Variants in PAPLN observed in about 807,000 individuals in gnomAD.
PAPLN encodes the protein papilin, proteoglycan like sulfated glycoprotein.
Under a neutral mutation model 159.0 loss-of-function variants are expected in PAPLN, and 146 were observed. The ratio of observed to expected loss-of-function variants is 0.92; its 90% CI spans 0.80 to 1.05. PAPLN has a LOEUF of 1.05. PAPLN is among the 50% of genes least tolerant of loss of function. The pLI is 0.00. For synonymous variants in PAPLN, 734 were observed against 702.9 expected, an observed-to-expected ratio of 1.04 and a Z score of -0.70; for missense variants, 1,720 against 1,743.9, an observed-to-expected ratio of 0.99 and a Z score of 0.24.
At chr14:73,255,606 G>T (rs1405296454) in intron 14 of PAPLN, among the ~76,000 whole-genome samples, 1 of 150,326 alleles carries the variant, frequency 6.7e-6, no homozygotes, top group African/African-American at 2.4e-5. Flanking sequence ...ACTGAGGCCA[G>T]TGTTTGCGTG....
At chr14:73,259,816 G>A (rs1030611727) in intron 16 of PAPLN, among the ~76,000 whole-genome samples, 3 of 152,160 alleles carry the variant, frequency 2.0e-5, no homozygotes, top group Admixed American at 6.5e-5. Context: ...CTGAGACTCC[G>A]AGAAGGCTCT....
At chr14:73,247,661 T>C (rs1210924436) in intron 5 of PAPLN, among the ~76,000 whole-genome samples, 2 of 141,012 alleles carry the variant, frequency 1.4e-5, no homozygotes, top group East Asian at 4.1e-4. Context: ...TGTGTGTGTG[T>C]GCGTGTGTGT....
Position 73,259,462 on chromosome 14 carries a change from T to C in PAPLN, c.1902T>C (p.Pro634=). ...GGCCCCACGACTGCAGACACAGTCC[T>C]CACGGGTGCTGCCCCGATGGCCACA... The part of the protein sequence containing the change: ...GSGPHDCRHS[P]HGCCPDGHTA... The change falls in exon 16 of 27, where the codon CCT becomes CCC. Residue 634 remains proline, a synonymous_variant. Coordinates refer to ENST00000644200, the MANE Select transcript of PAPLN (RefSeq NM_001365906.3). The C allele has an allele frequency of 2.5e-6, 4 of 1,611,258 alleles. No individual in the cohort carries two copies. Among genetic ancestry groups the C allele is most frequent in the Non-Finnish European group, 3.4e-6 (4 of 1,179,150 alleles).
Position 73,258,974 on chromosome 14 carries a change from T to A in PAPLN, c.1628-5T>A. Reference sequence around the variant, plus strand: ...GTCCCACATGGACCTCCCGGCTCCCTGCAGAGGTCCCCAGCATGCAGGATG... The same window carrying A: ...GTCCCACATGGACCTCCCGGCTCCCAGCAGAGGTCCCCAGCATGCAGGATG... On this transcript the variant is annotated splice_polypyrimidine_tract_variant and splice_region_variant and intron_variant, in intron 14 of 26. Transcript: ENST00000644200. 1.2e-6 allele frequency: 2 copies of A among 1,607,914 alleles called. No individual in the cohort carries two copies. The highest frequency in any genetic ancestry group is 1.7e-6 in the Non-Finnish European group (2 of 1,176,976).
rs11620852 is a variant in PAPLN, at chr14:73,262,641, C to A, written c.2537C>A (p.Ala846Glu). ...CCCAGCCAGCACAGGACAGGGGCCG[C>A]GGTGCAGAGAAAGCCCTGGCCTTCT... The part of the protein sequence containing the change: ...QEPSQHRTGA[A>E]VQRKPWPSGG... The change falls in exon 19 of 27, where the codon GCG becomes GAG. Residue 846 changes from alanine (A) to glutamate (E), a missense_variant. Transcript: ENST00000644200. 78 of 1,512,178 alleles carry A rather than the reference C, an allele frequency of 5.2e-5. No homozygotes were observed. The highest frequency in any genetic ancestry group is 1.7e-4 in the Admixed American group (8 of 47,216). 93.7% of individuals were successfully genotyped at this position (1,512,178 alleles called of 1,614,324 possible).
At chr14:73,241,494 T>C (rs1247459872) in intron 2 of PAPLN, among the ~76,000 whole-genome samples, 1 of 152,206 alleles carries the variant, frequency 6.6e-6, no homozygotes, top group Admixed American at 6.5e-5. Context: ...ATGAAACAAA[T>C]CAAGGTTTCC....
Position 73,262,831 on chromosome 14 carries a change from A to G in PAPLN, c.2723+4A>G. 1 of 1,462,166 alleles carries G rather than the reference A, an allele frequency of 6.8e-7. No individual in the cohort carries two copies. The highest frequency in any genetic ancestry group is 9.0e-7 in the Non-Finnish European group (1 of 1,108,222). The allele number at this position is 1,462,166 out of a possible 1,614,324, so 90.6% of individuals were successfully genotyped here. A position where few individuals can be genotyped will look rare whatever the true frequency, so the allele number is the denominator to read the frequency against. ...CCTTCCACAGCTCCTCCTACAGGTG[A>G]GGCCCACCTTCCCCAGGTGAGGGGG... On this transcript the variant is annotated splice_donor_region_variant and intron_variant, in intron 19 of 26. Coordinates refer to ENST00000644200, the MANE Select transcript of PAPLN (RefSeq NM_001365906.3).
rs145368158 is a variant in PAPLN at position 73,266,724 on chromosome 14, G to T, written c.3393G>T (p.Gly1131=). 2.7e-4 allele frequency: 433 copies of T among 1,614,130 alleles called. 2 individuals carry two copies. The African/African-American group carries it at 5.0e-3, about 19-fold the overall frequency. ...ACAATGACTTGTCCTTGTGCCCAGG[G>T]GAGCTGACAATCTCAGGACTGCCCC... ...DQRWVQLRVL[G]ELTISGLPPT... Residue 1131 remains glycine (G), a splice_region_variant and synonymous_variant, in exon 25 of 27, where the codon GGG becomes GGT. Transcript: ENST00000644200.
At chr14:73,272,069 A>C (rs1887783564) in intron 26 of PAPLN, 2 of 154,386 alleles carry the variant, frequency 1.3e-5, no homozygotes, top group Non-Finnish European at 2.9e-5. Flanking sequence ...GAAAGGGAAA[A>C]GATAAGAGCT....
chr14:73,262,292 A>AG, intron 18 of PAPLN, 58 bp from the exon 19 acceptor site: 1 of 1,484,096 alleles, frequency 6.7e-7, no homozygotes, highest in East Asian at 2.3e-5. Context: ...GAGAGGATGG[A>AG]GGGTGCAGCT....
chr14:73,253,021 C>A, intron 11 of PAPLN: 2 of 1,077,650 alleles, frequency 1.9e-6, no homozygotes, highest in African/African-American at 1.6e-5. Context: ...GGCTTGGTGG[C>A]AGGAGGGTTG....
Position 73,264,677 on chromosome 14 carries a change from G to C in PAPLN, c.3076G>C (p.Ala1026Pro), listed in dbSNP as rs199699862. 1 of 1,611,070 alleles carries C rather than the reference G, an allele frequency of 6.2e-7. No individual in the cohort carries two copies. The highest frequency in any genetic ancestry group is 1.1e-5 in the South Asian group (1 of 90,796). ...PAQDFGQAGA[A>P]GPLGAIPSSH... The stretch of plus-strand genomic sequence containing the variant: ...TCAGGACTTTGGCCAAGCGGGGGCT[G>C]CTGGGCCCCTGGGGGCCATCCCCTC... The change falls in exon 22 of 27, where the codon GCT becomes CCT. Residue 1026 changes from alanine to proline, a missense_variant. Physicochemically the swap from Ala to Pro is conservative, Grantham distance 27 (BLOSUM62 -1). Coordinates refer to ENST00000644200, the MANE Select transcript of PAPLN (RefSeq NM_001365906.3).
intron 26 of PAPLN, among the ~76,000 whole-genome samples, chr14:73,270,530 A>G (rs1887627448): frequency 2.0e-5 from 3 of 152,214 alleles, no homozygotes; most frequent in Admixed American, 1.3e-4. Flanking sequence ...ACATTGGCGA[A>G]AGCACCACAC....
Position 73,263,687 on chromosome 14 carries a change from C to A in PAPLN, c.2766C>A (p.Ala922=), listed in dbSNP as rs201988424. Residue 922 remains alanine (A), a synonymous_variant, in exon 20 of 27, where the codon GCC becomes GCA. Transcript: ENST00000644200. ...AGVEPSLVQA[A]LGQLVRLSCS... ...TGGAGCCCTCGTTGGTGCAGGCAGC[C>A]CTGGGGCAGTTGGTGCGGCTCTCCT... 1 of 1,613,536 alleles carries A rather than the reference C, an allele frequency of 6.2e-7. No individual in the cohort carries two copies. Among genetic ancestry groups the A allele is most frequent in the African/African-American group, 1.3e-5 (1 of 75,048 alleles).
Position 73,262,863 on chromosome 14 carries a change from C to T in PAPLN, c.2723+36C>T, listed in dbSNP as rs116321169. The T allele has an allele frequency of 3.3e-3, 4,662 of 1,416,188 alleles. 43 individuals carry two copies. The African/African-American group carries it at 0.034, about 10-fold the overall frequency. 87.7% of individuals were successfully genotyped at this position (1,416,188 alleles called of 1,614,324 possible). A position where few individuals can be genotyped will look rare whatever the true frequency, so the allele number is the denominator to read the frequency against. ...CCTTCCCCAGGTGAGGGGGTTAGGA[C>T]GCCCAGACAAGGAGCATGCCAGTTG... On this transcript the variant is annotated intron_variant, in intron 19 of 26. Transcript: ENST00000644200.
chr14:73,252,009 C>A lies in PAPLN; in HGVS notation c.844-9C>A, dbSNP rs1372736068. On this transcript the variant is annotated splice_polypyrimidine_tract_variant and intron_variant, in intron 9 of 26. Transcript: ENST00000644200. ...GCAGCAGACCCCAACAAGGACTCTC[C>A]CGTGACAGCTCATCAGCCAGGAGCC... 1.9e-6 allele frequency: 3 copies of A among 1,602,456 alleles called. No homozygotes were observed. The highest frequency in any genetic ancestry group is 2.6e-6 in the Non-Finnish European group (3 of 1,173,636).
intron 25 of PAPLN, chr14:73,268,333 C>T (rs887639680): frequency 1.1e-5 from 5 of 466,246 alleles, no homozygotes; most frequent in African/African-American, 2.0e-5. Context: ...ACAACCTCGC[C>T]ATTCACCCCA....
chr14:73,248,106 T>TGTGC lies in PAPLN; in HGVS notation c.335-1877_335-1876insTGCG, dbSNP rs139626596. 3.0e-3 allele frequency among the ~76,000 whole-genome samples: 238 copies of TGTGC among 78,502 alleles called. 18 individuals carry two copies. The highest frequency in any genetic ancestry group is 0.018 in the South Asian group (32 of 1,820). The allele number at this position is 78,502 out of a possible 152,430, so 51.5% of individuals were successfully genotyped here. A position where few individuals can be genotyped will look rare whatever the true frequency, so the allele number is the denominator to read the frequency against. The stretch of plus-strand genomic sequence containing the variant: ...GTGTGTGTGTGTGTGTGTGTGTGTG[T>TGTGC]GCGCGTGTGTGTGTTGTGGGGATCG... On this transcript the variant is annotated intron_variant, in intron 5 of 26. Coordinates refer to ENST00000644200, the MANE Select transcript of PAPLN (RefSeq NM_001365906.3).
chr14:73,250,760 G>A, intron 6 of PAPLN, 147 bp from the exon 7 acceptor site: 1 of 976,898 alleles, frequency 1.0e-6, no homozygotes, highest in Non-Finnish European at 1.4e-6. Flanking sequence ...GTCAGCCACA[G>A]GCCAGTCCCC....
Sources: gnomAD v4.1 joint callset for allele counts (sites outside exome capture counted in the v4.1 genomes callset) on GRCh38, gnomAD v4.1.1 for gene constraint, MANE v1.5 for transcripts, NCBI Gene and HGNC (gene_info 2026-07-23, HGNC 2026-07-21) for gene names.